C1orf159: variants seen among roughly 807,000 people sequenced by gnomAD.
The protein encoded by C1orf159 is uncharacterized protein C1orf159.
C1orf159 carries 19 observed loss-of-function variants against 25.6 expected under a neutral mutation model. That is an observed-to-expected ratio of 0.74 (90% CI 0.52 to 1.09). C1orf159 has a LOEUF of 1.09. Ranked by LOEUF, C1orf159 falls within the 50% of genes least tolerant of loss-of-function variation. The pLI is 0.00. For missense variants in C1orf159, 274 were observed against 290.6 expected, an observed-to-expected ratio of 0.94 and a Z score of 0.42; for synonymous variants, 139 against 124.7, an observed-to-expected ratio of 1.12 and a Z score of -0.77.
Position 1,087,565 on chromosome 1 carries a change from C to T in C1orf159, c.181G>A (p.Ala61Thr), listed in dbSNP as rs537570851. 2.7e-4 allele frequency: 424 copies of T among 1,548,516 alleles called. 1 individual carries two copies. Among genetic ancestry groups the T allele is most frequent in the South Asian group, 1.4e-3 (121 of 84,044 alleles). ...CCGTTCCCACAGCGGACGCAGCTGG[C>T]GCTCCCGTCCGCGTTCCAGCGCCTG... ...CYRRWNADGS[A>T]SCVRCGNGTL... Residue 61 changes from alanine to threonine, a missense_variant, in exon 5 of 10, where the codon GCC becomes ACC. Coordinates refer to ENST00000421241, the MANE Select transcript of C1orf159 (RefSeq NM_017891.5). The surrounding 1 kb of genome is among the most constrained non-coding windows in gnomAD (Gnocchi z 8.3).
At chr1:1,112,139 A>C (rs1646266186) in intron 1 of C1orf159, among the ~76,000 whole-genome samples, 1 of 152,184 alleles carries the variant, frequency 6.6e-6, no homozygotes, top group Admixed American at 6.5e-5. Flanking sequence ...GTGGCTGTTA[A>C]CTGTCTAAAA....
chr1:1,105,739 G>GGGCATGGT lies in C1orf159; in HGVS notation c.-136+10320_-136+10321insACCATGCC, dbSNP rs1646161831. Among the ~76,000 whole-genome samples, 6 of 151,500 alleles carry GGGCATGGT rather than the reference G, an allele frequency of 4.0e-5. No individual in the cohort carries two copies. The South Asian group carries it at 1.0e-3, about 26-fold the overall frequency. ...TACTTAAAACACAAAAAAATTAGCT[G>GGGCATGGT]GGCGGGCGCCTGTAGTCCCAGCTAC... On this transcript the variant is annotated intron_variant, in intron 1 of 9. Transcript: ENST00000421241.
At position 1,089,533 on chromosome 1, in the gene C1orf159, C is replaced by T. The variant is rs966559029; in HGVS notation, c.148+820G>A. 6.6e-5 allele frequency among the ~76,000 whole-genome samples: 10 copies of T among 152,076 alleles called. No homozygotes were observed. Among genetic ancestry groups the T allele is most frequent in the African/African-American group, 9.7e-5 (4 of 41,422 alleles). On this transcript the variant is annotated intron_variant, in intron 4 of 9. Coordinates refer to ENST00000421241, the MANE Select transcript of C1orf159 (RefSeq NM_017891.5). This position sits in a 1 kb window ranked among gnomAD's most constrained non-coding sequence, Gnocchi z 7.5. ...CTTCCTGTGGGCTCCCCAACCCCCACGCCCAGCCTCGGACCCCCGCGCCCA... is the reference window on the plus strand; with the variant it reads ...CTTCCTGTGGGCTCCCCAACCCCCATGCCCAGCCTCGGACCCCCGCGCCCA...
chr1:1,085,874 A>C lies in C1orf159; in HGVS notation c.445+4T>G, dbSNP rs777807019. 3 of 1,612,908 alleles carry C rather than the reference A, an allele frequency of 1.9e-6. No individual in the cohort carries two copies. Among genetic ancestry groups the C allele is most frequent in the Non-Finnish European group, 2.5e-6 (3 of 1,179,724 alleles). ...CGTGGGGCAGGTGCTGGTCCGGGAG[A>C]TACCTTTGTTTCTTCTGTAGCAGGC... On this transcript the variant is annotated splice_donor_region_variant and intron_variant, in intron 7 of 9. Coordinates refer to ENST00000421241, the MANE Select transcript of C1orf159 (RefSeq NM_017891.5).
Position 1,087,510 on chromosome 1 carries a change from C to T in C1orf159, c.236G>A (p.Cys79Tyr). 2 of 1,549,228 alleles carry T rather than the reference C, an allele frequency of 1.3e-6. No individual in the cohort carries two copies. Among genetic ancestry groups the T allele is most frequent in the South Asian group, 2.4e-5 (2 of 84,050 alleles). Residue 79 changes from cysteine to tyrosine, a missense_variant, in exon 5 of 10, where the codon TGT (cysteine) becomes TAT (tyrosine). Transcript: ENST00000421241. This position sits in a 1 kb window ranked among gnomAD's most constrained non-coding sequence, Gnocchi z 8.3. ...GAGCCGGGCAGACCTACAGCTTCTA[C>T]ACTCGGAGCCGTTGTAGGCTGGGAG... ...GTLPAYNGSECRSFAGPGAPF... is the reference protein window; with the variant it reads ...GTLPAYNGSEYRSFAGPGAPF...
In C1orf159 at chr1:1,089,924, C is replaced by T. The variant is rs758002993; in HGVS notation, c.148+429G>A. ...CTGACACAGGCCGGCATCCTCGTGG[C>T]GTCCTGTTGATTGGCATTCCACTCC... On this transcript the variant is annotated intron_variant, in intron 4 of 9. Coordinates refer to ENST00000421241, the MANE Select transcript of C1orf159 (RefSeq NM_017891.5). This position sits in a 1 kb window ranked among gnomAD's most constrained non-coding sequence, Gnocchi z 7.5. Among the ~76,000 whole-genome samples, 16 of 152,354 alleles carry T rather than the reference C, an allele frequency of 1.1e-4. No homozygotes were observed. The highest frequency in any genetic ancestry group is 1.7e-4 in the African/African-American group (7 of 41,580).
In C1orf159 at chr1:1,092,070, G is replaced by C; in HGVS notation, c.-102C>G. The C allele has an allele frequency of 2.2e-6, 1 of 453,032 alleles. No individual in the cohort carries two copies. The highest frequency in any genetic ancestry group is 4.4e-6 in the Non-Finnish European group (1 of 225,362). 28.1% of individuals were successfully genotyped at this position (453,032 alleles called of 1,614,324 possible). A position where few individuals can be genotyped will look rare whatever the true frequency, so the allele number is the denominator to read the frequency against. On this transcript the variant is annotated 5_prime_UTR_variant, in exon 2 of 10. Coordinates refer to ENST00000421241, the MANE Select transcript of C1orf159 (RefSeq NM_017891.5). ...CAGGGGTTAGCTCTGGGAGCTCATG[G>C]GCTCAGCTGAGCCCTGCAGACCCCG...
At position 1,091,565 on chromosome 1, in the gene C1orf159, C is replaced by A. The variant is rs878879486; in HGVS notation, c.-22G>T. 1 of 1,546,570 alleles carries A rather than the reference C, an allele frequency of 6.5e-7. No homozygotes were observed. Among genetic ancestry groups the A allele is most frequent in the South Asian group, 1.2e-5 (1 of 83,886 alleles). ...CCATGCCAGGAGCAGATGCGCAGAG[C>A]CTGCCACAGGGAGGAGCATGCGGAG... On this transcript the variant is annotated splice_region_variant and 5_prime_UTR_variant, in exon 3 of 10. Transcript: ENST00000421241.
intron 1 of C1orf159, among the ~76,000 whole-genome samples, chr1:1,094,487 G>A (rs1235577559): frequency 4.0e-5 from 6 of 151,636 alleles, no homozygotes; most frequent in African/African-American, 7.3e-5. Context: ...TGCAAGCCCC[G>A]CCTTCTGGGT....
intron 1 of C1orf159, among the ~76,000 whole-genome samples, chr1:1,108,719 T>TG (rs1570338127): frequency 1.5e-4 from 6 of 38,810 alleles, no homozygotes; most frequent in African/African-American, 1.9e-4. Context: ...CCACCATGTC[T>TG]CAGCAGCACC....
At chr1:1,083,409 C>T (rs777950163) in intron 9 of C1orf159, 19 of 202,838 alleles carry the variant, frequency 9.4e-5, no homozygotes, top group African/African-American at 4.0e-4. Flanking sequence ...CAGGGTTCCC[C>T]GGGCAGGCCC....
At chr1:1,083,838 A>G in intron 9 of C1orf159, 1 of 1,351,218 alleles carries the variant, frequency 7.4e-7, no homozygotes, top group Non-Finnish European at 1.0e-6. Flanking sequence ...AGCCCTGCTC[A>G]TGGCCTTGGA....
intron 1 of C1orf159, among the ~76,000 whole-genome samples, chr1:1,101,673 A>G (rs997237496): frequency 7.9e-5 from 12 of 151,810 alleles, no homozygotes; most frequent in Admixed American, 5.9e-4. Flanking sequence ...CTCACGGTCT[A>G]TTGGCTCATG....
chr1:1,083,636 C>T, intron 9 of C1orf159: 1 of 480,664 alleles, frequency 2.1e-6, no homozygotes, highest in South Asian at 2.6e-5. Flanking sequence ...CTAGGATAGT[C>T]AGATTAAAGG....
rs774856507 is a variant in C1orf159, at chr1:1,082,989, T to C, written c.503-2A>G. On this transcript the variant is annotated splice_acceptor_variant, in intron 9 of 9. Coordinates refer to ENST00000421241, the MANE Select transcript of C1orf159 (RefSeq NM_017891.5). LOFTEE classifies it high-confidence loss of function. Reference sequence around the variant, plus strand: ...GCCTGACGTAGCGCGGCTTCCGTACTGAAACGGGTCAGAGACAGGCGAGGT... The same window carrying C: ...GCCTGACGTAGCGCGGCTTCCGTACCGAAACGGGTCAGAGACAGGCGAGGT... 2 of 1,592,206 alleles carry C rather than the reference T, an allele frequency of 1.3e-6. No individual in the cohort carries two copies. The highest frequency in any genetic ancestry group is 3.4e-5 in the Admixed American group (2 of 58,028).
At chr1:1,096,081 G>A (rs144060133) in intron 1 of C1orf159, among the ~76,000 whole-genome samples, 12 of 152,236 alleles carry the variant, frequency 7.9e-5, no homozygotes, top group Admixed American at 2.0e-4. Flanking sequence ...CAATACCTTC[G>A]TAAGGATTTT....
intron 1 of C1orf159, among the ~76,000 whole-genome samples, chr1:1,097,514 G>A (rs1646024296): frequency 6.6e-6 from 1 of 152,030 alleles, no homozygotes; most frequent in African/African-American, 2.4e-5. Context: ...CTGGGCTCAA[G>A]CGATCCTCCC....
At chr1:1,109,516 G>A (rs1193628339) in intron 1 of C1orf159, among the ~76,000 whole-genome samples, 1 of 151,944 alleles carries the variant, frequency 6.6e-6, no homozygotes, top group East Asian at 1.9e-4. Flanking sequence ...GCCCAGGCTG[G>A]AGTGCAGTGG....
intron 1 of C1orf159, among the ~76,000 whole-genome samples, chr1:1,095,032 T>C (rs538493788): frequency 5.3e-5 from 8 of 152,350 alleles, no homozygotes; most frequent in African/African-American, 1.9e-4. Context: ...CAATGGACTA[T>C]AGAGGTGGGG....
Sources: gnomAD v4.1 joint callset for allele counts (sites outside exome capture counted in the v4.1 genomes callset) on GRCh38, gnomAD v4.1.1 for gene constraint, Gnocchi (gnomAD v3.1) non-coding constraint, MANE v1.5 for transcripts, NCBI Gene and HGNC (gene_info 2026-07-23, HGNC 2026-07-21) for gene names.